Variants in FAAH2 observed in about 807,000 individuals in gnomAD.
FAAH2 encodes fatty acid amide hydrolase 2, also known as fatty-acid amide hydrolase 2.
Under a neutral mutation model 36.9 loss-of-function variants are expected in FAAH2, and 60 were observed. The ratio of observed to expected loss-of-function variants is 1.63; its 90% CI spans 1.32 to 2.02. FAAH2 has a LOEUF of 2.02. Ranked by LOEUF, FAAH2 falls within the 30% of genes most tolerant of loss-of-function variation. The pLI is 0.00. For synonymous variants in FAAH2, 214 were observed against 143.8 expected (o/e 1.49, Z -3.49); for missense variants, 689 against 397.5 (o/e 1.73, Z -6.23).
chrX:57,153,747 T>C, the FAAH2 span, among the ~76,000 whole-genome samples: 3 of 112,609 alleles, frequency 2.7e-5, no homozygotes, highest in Admixed American at 9.4e-5. Flanking sequence ...TAATCTGTTT[T>C]CCTTTATAGG....
chrX:57,137,019 A>C, the FAAH2 span: 7 of 836,514 alleles, frequency 8.4e-6, no homozygotes, highest in South Asian at 3.1e-4. Flanking sequence ...CTTCCCTGTT[A>C]CCTACCTCCC....
At chrX:57,184,148 G>C in the FAAH2 span, among the ~76,000 whole-genome samples, 1 of 111,429 alleles carries the variant, frequency 9.0e-6, no homozygotes, top group Non-Finnish European at 1.9e-5. Context: ...ACCCTTATTA[G>C]TAGTTCTGCT....
At chrX:57,162,373 C>T in the FAAH2 span, among the ~76,000 whole-genome samples, 8 of 111,019 alleles carry the variant, frequency 7.2e-5, no homozygotes, top group African/African-American at 1.6e-4. Context: ...ATCTTTGTGG[C>T]GTTCTCTGTA....
chrX:57,443,182 C>T (rs772548201), intron 8 of FAAH2, among the ~76,000 whole-genome samples: 1 of 111,975 alleles, frequency 8.9e-6, no homozygotes, highest in South Asian at 3.7e-4. Context: ...TTGAAGTTCT[C>T]CTGGATAATA....
intron 4 of FAAH2, among the ~76,000 whole-genome samples, chrX:57,332,368 A>G (rs1352034695): frequency 8.9e-6 from 1 of 112,310 alleles, no homozygotes; most frequent in Non-Finnish European, 1.9e-5. Context: ...TCTAGCATAT[A>G]TGGGGTTTAG....
chrX:57,441,742 G>T (rs763487470), intron 8 of FAAH2, among the ~76,000 whole-genome samples: 4 of 111,037 alleles, frequency 3.6e-5, no homozygotes, highest in African/African-American at 1.3e-4. Context: ...TCTTGTGGGC[G>T]TTTAGTGCTA....
chrX:57,450,860 A>G (rs1361926374), intron 10 of FAAH2, among the ~76,000 whole-genome samples: 14 of 111,367 alleles, frequency 1.3e-4, no homozygotes. Flanking sequence ...TTTATTGGAG[A>G]CATGTATATG....
chrX:57,282,799 T>G (rs1015184403), upstream of FAAH2, among the ~76,000 whole-genome samples: 7 of 112,096 alleles, frequency 6.2e-5, no homozygotes, highest in South Asian at 3.7e-4. Flanking sequence ...TCCTCATGAT[T>G]GCCATCAAAT....
the FAAH2 span, among the ~76,000 whole-genome samples, chrX:57,164,689 A>G: frequency 4.4e-5 from 5 of 112,723 alleles, no homozygotes; most frequent in Non-Finnish European, 7.5e-5. Flanking sequence ...GTACATTGAT[A>G]TACCCTAGTC....
At chrX:57,434,105 G>A (rs1421332774) in intron 8 of FAAH2, among the ~76,000 whole-genome samples, 3 of 94,752 alleles carry the variant, frequency 3.2e-5, no homozygotes, top group Admixed American at 1.2e-4. Flanking sequence ...TTTTTTTTGA[G>A]ACAGAGTCTC....
the FAAH2 span, among the ~76,000 whole-genome samples, chrX:57,261,571 A>G: frequency 1.7e-4 from 18 of 108,023 alleles, no homozygotes; most frequent in East Asian, 2.0e-3. Flanking sequence ...AAAAAAAAAA[A>G]AAAAGAAAAA....
chrX:57,406,872 A>G (rs2055579267), intron 7 of FAAH2, among the ~76,000 whole-genome samples: 1 of 112,619 alleles, frequency 8.9e-6, no homozygotes, highest in Non-Finnish European at 1.9e-5. Context: ...CTAGACGAAC[A>G]ACCACAAAGT....
the FAAH2 span, among the ~76,000 whole-genome samples, chrX:57,131,725 T>C: frequency 2.7e-5 from 3 of 112,140 alleles, no homozygotes; most frequent in Non-Finnish European, 5.6e-5. Context: ...AATTTCAATC[T>C]GAAAGAGAAA....
At chrX:57,235,358 C>T in the FAAH2 span, among the ~76,000 whole-genome samples, 12 of 111,531 alleles carry the variant, frequency 1.1e-4, no homozygotes, top group Non-Finnish European at 1.9e-4. Flanking sequence ...TGACTTATCC[C>T]TTTCCTGGCA....
rs1270764265 is a variant in FAAH2 at position 57,299,000 on chromosome X, T to G, written c.275+6420T>G. ...CAAAAAAAGTCCAGGACCAGATGGA[T>G]TCACAGCAGAATTCTACCAGAGGTA... On this transcript the variant is annotated intron_variant, in intron 2 of 10. Coordinates refer to ENST00000374900, the MANE Select transcript of FAAH2 (RefSeq NM_174912.4). Among the ~76,000 whole-genome samples the G allele has an allele frequency of 9.9e-5, 11 of 111,448 alleles. No individual in the cohort carries two copies. The Admixed American group carries it at 1.0e-3, about 11-fold the overall frequency.
At chrX:57,314,921 G>T (rs1335727609) in intron 3 of FAAH2, among the ~76,000 whole-genome samples, 2 of 110,570 alleles carry the variant, frequency 1.8e-5, no homozygotes, top group African/African-American at 3.3e-5. Context: ...CAGAAGAAAA[G>T]AAATAACTAA....
chrX:57,413,170 G>T (rs111681465), intron 7 of FAAH2, among the ~76,000 whole-genome samples: 39,989 of 110,402 alleles, frequency 0.36, 6,209 homozygotes, highest in Middle Eastern at 0.6. Flanking sequence ...CTATTCTGTA[G>T]GTTGCCTGTT....
At chrX:57,282,983 G>T (rs928563482), upstream of FAAH2, among the ~76,000 whole-genome samples, 1 of 111,974 alleles carries the variant, frequency 8.9e-6, no homozygotes, top group Non-Finnish European at 1.9e-5. Context: ...TATGGCAGAG[G>T]GTCTTTCCCG....
the FAAH2 span, among the ~76,000 whole-genome samples, chrX:57,159,666 T>G: frequency 8.9e-6 from 1 of 111,876 alleles, no homozygotes; most frequent in Non-Finnish European, 1.9e-5. Context: ...TAAAAATGCT[T>G]GTGATTTTTG....
Sources: allele counts gnomAD v4.1 joint callset (sites outside exome capture counted in the v4.1 genomes callset), GRCh38; gene constraint gnomAD v4.1.1; transcripts MANE v1.5; gene names NCBI Gene and HGNC (gene_info 2026-07-23, HGNC 2026-07-21).